Variants in ARL13A observed in about 807,000 individuals in gnomAD.
ARL13A encodes the protein ADP-ribosylation factor-like protein 13A.
In ARL13A, 16 loss-of-function variants were observed where a neutral mutation model predicts 19.1. The ratio of observed to expected loss-of-function variants is 0.84; its 90% CI spans 0.57 to 1.27. The LOEUF (loss-of-function observed/expected upper bound fraction) is 1.27, where lower values mean the gene tolerates loss of function less well. ARL13A is among the 50% of genes most tolerant of loss of function. ARL13A has a pLI of 0.00. For synonymous variants in ARL13A, 69 were observed against 71.3 expected, an observed-to-expected ratio of 0.97 and a Z score of 0.17; for missense variants, 153 against 186.4, an observed-to-expected ratio of 0.82 and a Z score of 1.04.
chrX:100,990,539 G>T (rs2086003268), intron 7 of ARL13A, 23 bp from the exon 8 acceptor site: 4 of 1,123,141 alleles, frequency 3.6e-6, no homozygotes, highest in Non-Finnish European at 4.7e-6. Context: ...AACCCCTGTT[G>T]TTCCTGTATA....
chrX:100,974,173 G>A lies in ARL13A; in HGVS notation c.106G>A (p.Val36Ile), dbSNP rs1326964342. The A allele has an allele frequency of 8.4e-7, 1 of 1,191,955 alleles. No homozygotes were observed. Among genetic ancestry groups the A allele is most frequent in the Admixed American group, 2.3e-5 (1 of 43,347 alleles). ...TGGCTTGAACAACTCTGGCAAAACT[G>A]TTCTTGTGGAGGCATTCCAAAAATG... Reference protein sequence around the residue: ...IIGLNNSGKTVLVEAFQKLLP... With the variant: ...IIGLNNSGKTILVEAFQKLLP... The change falls in exon 3 of 8, where the codon GTT (valine) becomes ATT (isoleucine). Residue 36 changes from valine (V) to isoleucine (I), a missense_variant. Val to Ile is a conservative substitution (Grantham distance 29). Transcript: ENST00000450049.
At position 100,975,786 on chromosome X, in the gene ARL13A, C is replaced by T. The variant is rs760048613; in HGVS notation, c.130+1589C>T. 3.6e-5 allele frequency among the ~76,000 whole-genome samples: 4 copies of T among 110,291 alleles called. No individual in the cohort carries two copies. In the Admixed American group the frequency reaches 3.9e-4, roughly 11 times the overall value. The stretch of plus-strand genomic sequence containing the variant: ...TAGCTGGGATTACATGTGTGCACCA[C>T]CACGCCTGGCTGATTTTTTTGGATT... On this transcript the variant is annotated intron_variant, in intron 3 of 7. Coordinates refer to ENST00000450049, the MANE Select transcript of ARL13A (RefSeq NM_001162491.2).
chrX:100,982,470 A>AAAAT (rs199792040), intron 3 of ARL13A, among the ~76,000 whole-genome samples: 1,578 of 91,275 alleles, frequency 0.017, 45 homozygotes, highest in African/African-American at 0.052. Context: ...CCAGGCTTAA[A>AAAAT]AAATAAATAA....
chrX:100,979,282 A>G (rs2085816599), intron 3 of ARL13A, among the ~76,000 whole-genome samples: 1 of 111,322 alleles, frequency 9.0e-6, no homozygotes, highest in Admixed American at 9.6e-5. Flanking sequence ...AGATTGAAGT[A>G]CTCCCTTTGG....
chrX:100,980,293 G>T (rs2085832641), intron 3 of ARL13A, among the ~76,000 whole-genome samples: 1 of 109,814 alleles, frequency 9.1e-6, no homozygotes, highest in Non-Finnish European at 1.9e-5. Context: ...TACTGGGGCT[G>T]AGCAAGTACC....
At chrX:100,973,796 C>T (rs2085718613) in intron 2 of ARL13A, 48 bp downstream of exon 2, 4 of 1,107,870 alleles carry the variant, frequency 3.6e-6, no homozygotes, top group East Asian at 6.0e-5. Flanking sequence ...TTTCCTCCCA[C>T]AAATCTGCCC....
At chrX:100,974,440 T>C (rs1266815416) in intron 3 of ARL13A, among the ~76,000 whole-genome samples, 1 of 109,857 alleles carries the variant, frequency 9.1e-6, no homozygotes, top group African/African-American at 3.3e-5. Context: ...ATGTAATGTC[T>C]GTCACCTGCT....
intron 2 of ARL13A, 23 bp from the exon 3 acceptor site, chrX:100,974,104 T>C (rs2085723255): frequency 1.7e-6 from 2 of 1,144,002 alleles, no homozygotes; most frequent in East Asian, 6.3e-5. Context: ...GACTTTGGGC[T>C]CATTTTTCTT....
chrX:100,979,217 G>A (rs187914830), intron 3 of ARL13A, among the ~76,000 whole-genome samples: 242 of 111,573 alleles, frequency 2.2e-3, no homozygotes, highest in South Asian at 0.018. Flanking sequence ...GCTGTTACCA[G>A]GGGGTTTTAT....
At position 100,987,509 on chromosome X, in the gene ARL13A, A is replaced by T. The variant is rs765039002; in HGVS notation, c.606A>T (p.Ser202=). ...TCQLPPTSSI[S]ISKNNTGSGE... ...AACTACCACCTACCTCGAGCATCTC[A>T]ATCTCCAAGAATAACACAGGCTCTG... Residue 202 remains serine (S), a synonymous_variant, in exon 6 of 8, where the codon TCA becomes TCT. Coordinates refer to ENST00000450049, the MANE Select transcript of ARL13A (RefSeq NM_001162491.2). The T allele has an allele frequency of 1.9e-5, 23 of 1,209,621 alleles. No individual in the cohort carries two copies. Among genetic ancestry groups the T allele is most frequent in the Non-Finnish European group, 2.5e-5 (22 of 895,110 alleles).
chrX:100,970,555 T>C (rs777976620), intron 1 of ARL13A, among the ~76,000 whole-genome samples: 1 of 112,217 alleles, frequency 8.9e-6, no homozygotes, highest in Non-Finnish European at 1.9e-5. Context: ...CGTCCCTCAG[T>C]AAACTCGGGG....
At chrX:100,982,649 CT>C (rs386419376) in intron 3 of ARL13A, among the ~76,000 whole-genome samples, 12,118 of 84,309 alleles carry the variant, frequency 0.14, 806 homozygotes, top group African/African-American at 0.19. Context: ...CTACAGTTTT[CT>C]TTTTTTTTTT....
At chrX:100,973,432 C>T (rs1442207248) in intron 1 of ARL13A, among the ~76,000 whole-genome samples, 9 of 106,420 alleles carry the variant, frequency 8.5e-5, no homozygotes, top group East Asian at 3.1e-4. Flanking sequence ...GGGCGGCGCT[C>T]GCCGGCGCGG....
At chrX:100,985,959 T>A (rs146259466) in intron 4 of ARL13A, 43 bp downstream of exon 4, 19,515 of 1,172,689 alleles carry the variant, frequency 0.017, 147 homozygotes, top group Middle Eastern at 0.057. Context: ...TCCCAATTTG[T>A]ACCCTTAAAA....
chrX:100,972,149 AC>A (rs1413607946), intron 1 of ARL13A, among the ~76,000 whole-genome samples: 8 of 75,233 alleles, frequency 1.1e-4, no homozygotes, highest in Non-Finnish European at 2.1e-4. Context: ...AGACACGGCA[AC>A]CATCCGATTT....
intron 3 of ARL13A, among the ~76,000 whole-genome samples, chrX:100,984,385 C>T (rs749097991): frequency 2.0e-4 from 22 of 110,373 alleles, no homozygotes; most frequent in African/African-American, 6.9e-4. Flanking sequence ...GTGATCTGCC[C>T]GCCTCAGCCT....
chrX:100,985,560 C>T (rs1156744604), intron 3 of ARL13A, 107 bp from the exon 4 acceptor site: 7 of 949,355 alleles, frequency 7.4e-6, no homozygotes, highest in Non-Finnish European at 8.7e-6. Flanking sequence ...ATAGTACTTC[C>T]CAGCAGGATA....
chrX:100,971,676 A>T (rs2085651130), intron 1 of ARL13A, among the ~76,000 whole-genome samples: 1 of 66,058 alleles, frequency 1.5e-5, no homozygotes, highest in Non-Finnish European at 2.6e-5. Context: ...TGGTCAGGAG[A>T]TAATTTTTTC....
intron 1 of ARL13A, among the ~76,000 whole-genome samples, chrX:100,972,657 C>T (rs1158210648): frequency 1.2e-4 from 1 of 8,175 alleles, no homozygotes; most frequent in Non-Finnish European, 2.2e-4. Flanking sequence ...GCTGGCCGGG[C>T]GGGGGGGCTG....
Sources: gnomAD v4.1 joint callset for allele counts (sites outside exome capture counted in the v4.1 genomes callset) on GRCh38, gnomAD v4.1.1 for gene constraint, MANE v1.5 for transcripts, NCBI Gene and HGNC (gene_info 2026-07-23, HGNC 2026-07-21) for gene names.